HS6ST3: variants seen among roughly 807,000 people sequenced by gnomAD.
HS6ST3 encodes heparan sulfate 6-O-sulfotransferase 3.
In HS6ST3, 12 loss-of-function variants were observed where a neutral mutation model predicts 36.7. That is an observed-to-expected ratio of 0.33 (90% CI 0.21 to 0.53). The LOEUF (loss-of-function observed/expected upper bound fraction) is 0.53, where lower values mean the gene tolerates loss of function less well. Among genes scored for constraint, HS6ST3 ranks in the 20% least tolerant of loss-of-function variants. The pLI, the probability that HS6ST3 is intolerant of heterozygous loss-of-function variation, is 0.95. For missense variants in HS6ST3, 584 were observed against 640.9 expected (o/e 0.91, Z 0.96); for synonymous variants, 240 against 257.5 (o/e 0.93, Z 0.65).
At chr13:96,821,740 A>T (rs944779587) in intron 1 of HS6ST3, among the ~76,000 whole-genome samples, 9 of 152,224 alleles carry the variant, frequency 5.9e-5, no homozygotes, top group African/African-American at 2.2e-4. Flanking sequence ...GAATCTCACA[A>T]GTATTTTTGT....
At chr13:96,156,891 G>T (rs1479223044) in intron 1 of HS6ST3, among the ~76,000 whole-genome samples, 2 of 152,124 alleles carry the variant, frequency 1.3e-5, no homozygotes, top group African/African-American at 4.8e-5. Flanking sequence ...TTCTCTTATG[G>T]GAATAATGGT....
At chr13:96,694,261 A>C (rs756949186) in intron 1 of HS6ST3, among the ~76,000 whole-genome samples, 6 of 152,060 alleles carry the variant, frequency 3.9e-5, no homozygotes, top group Admixed American at 6.6e-5. Context: ...GAGAACTTGT[A>C]GTATTTGGTT....
intron 1 of HS6ST3, among the ~76,000 whole-genome samples, chr13:96,096,906 G>A (rs2053793888): frequency 6.6e-6 from 1 of 152,150 alleles, no homozygotes; most frequent in African/African-American, 2.4e-5. Context: ...TACCAAGAAG[G>A]TTAATTTTTA....
At chr13:96,500,499 A>G (rs2055998952) in intron 1 of HS6ST3, among the ~76,000 whole-genome samples, 1 of 152,144 alleles carries the variant, frequency 6.6e-6, no homozygotes, top group Non-Finnish European at 1.5e-5. Context: ...GACTAGACTG[A>G]AGGGAGCCAA....
chr13:96,677,784 C>T (rs2056703939), intron 1 of HS6ST3, among the ~76,000 whole-genome samples: 3 of 152,132 alleles, frequency 2.0e-5, no homozygotes. Flanking sequence ...CTAGAATTTG[C>T]ATCATCCTAG....
chr13:96,219,967 C>T (rs1401351864), intron 1 of HS6ST3, among the ~76,000 whole-genome samples: 1 of 152,214 alleles, frequency 6.6e-6, no homozygotes, highest in East Asian at 1.9e-4. Flanking sequence ...CAGGTGTGAG[C>T]CACAGCTCCC....
At position 96,154,653 on chromosome 13, in the gene HS6ST3, C is replaced by T. The variant is rs565283108; in HGVS notation, c.707+63084C>T. On this transcript the variant is annotated intron_variant, in intron 1 of 1. Coordinates refer to ENST00000376705, the MANE Select transcript of HS6ST3 (RefSeq NM_153456.4). ...AGATAAAGATAATGAACAGATGACT[C>T]ACAAAGGAAAAGTATAAAATAACCA... Among the ~76,000 whole-genome samples, 102 of 152,094 alleles carry T rather than the reference C, an allele frequency of 6.7e-4. 1 individual carries two copies. Among genetic ancestry groups the T allele is most frequent in the African/African-American group, 2.3e-3 (94 of 41,514 alleles).
intron 1 of HS6ST3, among the ~76,000 whole-genome samples, chr13:96,421,691 T>G (rs1041937405): frequency 2.6e-5 from 4 of 151,618 alleles, no homozygotes. Flanking sequence ...GTAAAGGTGT[T>G]CCTAACTCAC....
chr13:96,102,467 G>A (rs1471162976), intron 1 of HS6ST3, among the ~76,000 whole-genome samples: 1 of 152,082 alleles, frequency 6.6e-6, no homozygotes, highest in Non-Finnish European at 1.5e-5. Flanking sequence ...GGGTAACAGA[G>A]TGAGACTCTG....
chr13:96,149,955 C>T (rs548177866), intron 1 of HS6ST3, among the ~76,000 whole-genome samples: 2 of 152,300 alleles, frequency 1.3e-5, no homozygotes, highest in African/African-American at 4.8e-5. Flanking sequence ...GGTGTTACGG[C>T]ATCTTTGTTC....
chr13:96,693,357 T>C (rs1008396927), intron 1 of HS6ST3, among the ~76,000 whole-genome samples: 1 of 152,154 alleles, frequency 6.6e-6, no homozygotes, highest in Non-Finnish European at 1.5e-5. Flanking sequence ...CAGGCTGGAG[T>C]GCAATGGCGC....
intron 1 of HS6ST3, among the ~76,000 whole-genome samples, chr13:96,318,866 A>G (rs896177522): frequency 6.6e-6 from 1 of 152,208 alleles, no homozygotes; most frequent in African/African-American, 2.4e-5. Flanking sequence ...AAGTTCTAAC[A>G]ATGACATTGA....
chr13:96,555,909 A>G (rs1197820430), intron 1 of HS6ST3, among the ~76,000 whole-genome samples: 3 of 152,226 alleles, frequency 2.0e-5, no homozygotes, highest in African/African-American at 4.8e-5. Flanking sequence ...TGTCAATGAC[A>G]GTAAATGCTA....
intron 1 of HS6ST3, among the ~76,000 whole-genome samples, chr13:96,212,716 T>C (rs891661048): frequency 2.6e-5 from 4 of 152,116 alleles, no homozygotes; most frequent in Admixed American, 6.5e-5. Flanking sequence ...GGCTGATACT[T>C]TTTTGGGGGG....
At chr13:96,421,264 GT>G (rs558294692) in intron 1 of HS6ST3, among the ~76,000 whole-genome samples, 95 of 152,210 alleles carry the variant, frequency 6.2e-4, no homozygotes, top group African/African-American at 2.0e-3. Context: ...TAGTACCACA[GT>G]TAAAAAAGAA....
chr13:96,316,878 T>C, intron 1 of HS6ST3, among the ~76,000 whole-genome samples: 1 of 151,844 alleles, frequency 6.6e-6, no homozygotes, highest in Non-Finnish European at 1.5e-5. Context: ...TTTTATTTAC[T>C]ATTTTGTGTT....
intron 1 of HS6ST3, among the ~76,000 whole-genome samples, chr13:96,645,119 A>C (rs937759568): frequency 6.6e-6 from 1 of 151,952 alleles, no homozygotes; most frequent in Non-Finnish European, 1.5e-5. Flanking sequence ...AACATGGGTT[A>C]ACCCTGTAGT....
At chr13:96,530,505 CTT>C (rs113518179) in intron 1 of HS6ST3, among the ~76,000 whole-genome samples, 23 of 142,480 alleles carry the variant, frequency 1.6e-4, no homozygotes, top group Non-Finnish European at 1.5e-4. Context: ...TTTTCTTTCC[CTT>C]TTTTTTTTTT....
At chr13:96,518,894 A>G (rs2056082886) in intron 1 of HS6ST3, among the ~76,000 whole-genome samples, 2 of 152,214 alleles carry the variant, frequency 1.3e-5, no homozygotes, top group Non-Finnish European at 2.9e-5. Flanking sequence ...GATTCATGCT[A>G]AAATCATTTT....
Sources: allele counts gnomAD v4.1 joint callset (sites outside exome capture counted in the v4.1 genomes callset), GRCh38; gene constraint gnomAD v4.1.1; transcripts MANE v1.5; gene names NCBI Gene and HGNC (gene_info 2026-07-23, HGNC 2026-07-21).